Variants in SGMS1 observed in about 807,000 individuals in gnomAD.
SGMS1 encodes phosphatidylcholine:ceramide cholinephosphotransferase 1.
In SGMS1, 13 loss-of-function variants were observed where a neutral mutation model predicts 46.2. The ratio of observed to expected loss-of-function variants is 0.28; its 90% confidence interval spans 0.18 to 0.45. The LOEUF (loss-of-function observed/expected upper bound fraction) is 0.45. Ranked by LOEUF, SGMS1 falls within the 20% of genes least tolerant of loss-of-function variation. SGMS1 has a pLI of 1.00. For missense variants in SGMS1, 324 were observed against 519.9 expected, an observed-to-expected ratio of 0.62 and a Z score of 3.66; for synonymous variants, 203 against 187.8, an observed-to-expected ratio of 1.08 and a Z score of -0.66.
intron 2 of SGMS1, among the ~76,000 whole-genome samples, chr10:50,543,100 T>C (rs956500579): frequency 2.0e-5 from 3 of 152,172 alleles, no homozygotes; most frequent in African/African-American, 7.2e-5. Flanking sequence ...GCACCCAAAC[T>C]GTCTTGGAGA....
At chr10:50,607,072 G>A (rs543819745) in intron 1 of SGMS1, among the ~76,000 whole-genome samples, 23 of 149,212 alleles carry the variant, frequency 1.5e-4, no homozygotes, top group Admixed American at 2.0e-4. Context: ...TCAACTTCTT[G>A]GGCTTAGGTG....
chr10:50,506,093 C>T (rs1837704356), intron 3 of SGMS1, among the ~76,000 whole-genome samples: 1 of 152,144 alleles, frequency 6.6e-6, no homozygotes, highest in African/African-American at 2.4e-5. Context: ...TCTCCTCTTA[C>T]CCTTCAGACT....
chr10:50,331,934 C>T (rs893077780), intron 7 of SGMS1, among the ~76,000 whole-genome samples: 1 of 152,182 alleles, frequency 6.6e-6, no homozygotes, highest in Non-Finnish European at 1.5e-5. Context: ...CTTCCAGCAT[C>T]CAGAATGCTG....
intron 1 of SGMS1, among the ~76,000 whole-genome samples, chr10:50,606,979 CTTT>C (rs1156272339): frequency 8.6e-5 from 12 of 138,774 alleles, no homozygotes; most frequent in Admixed American, 7.3e-5. Flanking sequence ...TAGCATTGTA[CTTT>C]TTTTTTTTTT....
Position 50,544,708 on chromosome 10 carries a change from A to G in SGMS1, c.-588-24787T>C, listed in dbSNP as rs375098893. Among the ~76,000 whole-genome samples, 20 of 152,344 alleles carry G rather than the reference A, an allele frequency of 1.3e-4. No individual in the cohort carries two copies. In the East Asian group the frequency reaches 2.9e-3, roughly 22 times the overall value. ...GAAATATTTTGAAGATATGAGATAAACAAGGAAAAACAGAAAGTACAGTAT... is the reference window on the plus strand; with the variant it reads ...GAAATATTTTGAAGATATGAGATAAGCAAGGAAAAACAGAAAGTACAGTAT... On this transcript the variant is annotated intron_variant, in intron 2 of 10. Coordinates refer to ENST00000361781, the MANE Select transcript of SGMS1 (RefSeq NM_147156.4).
chr10:50,512,142 T>C (rs915364565), intron 3 of SGMS1, among the ~76,000 whole-genome samples: 1 of 152,058 alleles, frequency 6.6e-6, no homozygotes, highest in Non-Finnish European at 1.5e-5. Flanking sequence ...GGCTATCCGG[T>C]TCAAGAAGCA....
chr10:50,488,571 T>C (rs1837542314), intron 3 of SGMS1, among the ~76,000 whole-genome samples: 1 of 152,176 alleles, frequency 6.6e-6, no homozygotes, highest in African/African-American at 2.4e-5. Flanking sequence ...AGTATAGGTG[T>C]CTACAAAATG....
intron 1 of SGMS1, among the ~76,000 whole-genome samples, chr10:50,617,861 C>T (rs1408540287): frequency 1.3e-5 from 2 of 151,212 alleles, no homozygotes; most frequent in Non-Finnish European, 2.9e-5. Context: ...GTGTGAGCCA[C>T]TGCACCTGGC....
At chr10:50,600,891 C>T (rs1015778997) in intron 1 of SGMS1, among the ~76,000 whole-genome samples, 4 of 152,078 alleles carry the variant, frequency 2.6e-5, no homozygotes, top group Non-Finnish European at 4.4e-5. Flanking sequence ...AGGAGAGAAG[C>T]AGGGGTGAGA....
At chr10:50,568,177 G>A (rs1425156064) in intron 2 of SGMS1, among the ~76,000 whole-genome samples, 1 of 152,074 alleles carries the variant, frequency 6.6e-6, no homozygotes, top group Non-Finnish European at 1.5e-5. Flanking sequence ...TTTTTAAACA[G>A]GTGCATGTAT....
chr10:50,323,323 C>T (rs142810660), intron 8 of SGMS1, among the ~76,000 whole-genome samples: 1 of 152,232 alleles, frequency 6.6e-6, no homozygotes, highest in Non-Finnish European at 1.5e-5. Context: ...CATAGTGAAA[C>T]CAAGTTTAAG....
chr10:50,451,283 T>C (rs1237739965), intron 5 of SGMS1, among the ~76,000 whole-genome samples: 1 of 152,202 alleles, frequency 6.6e-6, no homozygotes, highest in East Asian at 1.9e-4. Context: ...CAAGTGATGC[T>C]ATGAATCCAG....
chr10:50,415,458 A>G (rs1431920020), intron 6 of SGMS1, among the ~76,000 whole-genome samples: 2 of 152,174 alleles, frequency 1.3e-5, no homozygotes, highest in Admixed American at 6.5e-5. Flanking sequence ...AAGTGGTTTT[A>G]TCATCACACT....
At chr10:50,486,304 A>G (rs1177607205) in intron 3 of SGMS1, among the ~76,000 whole-genome samples, 1 of 152,212 alleles carries the variant, frequency 6.6e-6, no homozygotes, top group African/African-American at 2.4e-5. Context: ...AAAAGCAAAA[A>G]TTGACTAATG....
intron 6 of SGMS1, among the ~76,000 whole-genome samples, chr10:50,353,499 A>C (rs977996866): frequency 2.8e-4 from 43 of 152,286 alleles, no homozygotes; most frequent in African/African-American, 9.2e-4. Context: ...ATGGGCAAAA[A>C]CTGGAAGCAT....
At chr10:50,405,273 C>G (rs868804437) in intron 6 of SGMS1, among the ~76,000 whole-genome samples, 2 of 152,098 alleles carry the variant, frequency 1.3e-5, no homozygotes, top group East Asian at 3.8e-4. Flanking sequence ...TAATAAACCT[C>G]AACATCTGAA....
chr10:50,530,852 T>C (rs1837947214), intron 2 of SGMS1, among the ~76,000 whole-genome samples: 1 of 152,146 alleles, frequency 6.6e-6, no homozygotes, highest in South Asian at 2.1e-4. Flanking sequence ...TAAAAATCTA[T>C]GAGGATAATA....
intron 3 of SGMS1, among the ~76,000 whole-genome samples, chr10:50,496,229 T>C (rs1468257076): frequency 6.6e-6 from 1 of 152,236 alleles, no homozygotes; most frequent in Non-Finnish European, 1.5e-5. Context: ...CTGGTATAAA[T>C]AATTCTTTAA....
chr10:50,497,022 G>A (rs139954140), intron 3 of SGMS1, among the ~76,000 whole-genome samples: 2 of 152,118 alleles, frequency 1.3e-5, no homozygotes, highest in African/African-American at 2.4e-5. Context: ...TCTTAAAAGG[G>A]GGATATGGTA....
Sources: gnomAD v4.1 joint callset for allele counts (sites outside exome capture counted in the v4.1 genomes callset) on GRCh38, gnomAD v4.1.1 for gene constraint, MANE v1.5 for transcripts, NCBI Gene and HGNC (gene_info 2026-07-23, HGNC 2026-07-21) for gene names.